RPSA2: variants seen among roughly 807,000 people sequenced by gnomAD.
The protein encoded by RPSA2 is ribosomal protein SA 2, also known as small ribosomal subunit protein uS2B.
the RPSA2 span, among the ~76,000 whole-genome samples, chr19:23,858,995 G>A: frequency 6.6e-6 from 1 of 152,296 alleles, no homozygotes; most frequent in African/African-American, 2.4e-5. Flanking sequence ...AGGAGATTCA[G>A]GAGAGAGAGC....
chr19:23,831,380 A>G, the RPSA2 span, among the ~76,000 whole-genome samples: 1 of 152,126 alleles, frequency 6.6e-6, no homozygotes, highest in African/African-American at 2.4e-5. Flanking sequence ...CTCACCTGGA[A>G]CACTGCACAC....
chr19:23,781,182 C>T, the RPSA2 span, among the ~76,000 whole-genome samples: 3 of 152,144 alleles, frequency 2.0e-5, no homozygotes, highest in African/African-American at 7.2e-5. Context: ...ACCATGTTGG[C>T]CAGACTGGTC....
the RPSA2 span, among the ~76,000 whole-genome samples, chr19:23,791,492 C>T: frequency 6.6e-6 from 1 of 152,144 alleles, no homozygotes; most frequent in East Asian, 1.9e-4. Flanking sequence ...GTCTAATTGC[C>T]TGCCACTTAA....
chr19:23,774,404 C>T, the RPSA2 span, among the ~76,000 whole-genome samples: 5 of 152,138 alleles, frequency 3.3e-5, no homozygotes, highest in African/African-American at 7.2e-5. Context: ...CACTTGGCTC[C>T]GTACCAAACA....
chr19:23,792,249 C>G, the RPSA2 span, among the ~76,000 whole-genome samples: 1 of 152,156 alleles, frequency 6.6e-6, no homozygotes, highest in Non-Finnish European at 1.5e-5. Context: ...CCCAGTGACT[C>G]CAAGCTGAGG....
At chr19:23,773,537 C>T in the RPSA2 span, among the ~76,000 whole-genome samples, 1 of 152,170 alleles carries the variant, frequency 6.6e-6, no homozygotes, top group Non-Finnish European at 1.5e-5. Flanking sequence ...CCGCCTCAGT[C>T]TCCCAAAGTG....
At chr19:23,781,531 G>A in the RPSA2 span, among the ~76,000 whole-genome samples, 3 of 151,120 alleles carry the variant, frequency 2.0e-5, no homozygotes, top group Non-Finnish European at 4.4e-5. Flanking sequence ...TAGAGATGGG[G>A]TTTCACCATG....
the RPSA2 span, among the ~76,000 whole-genome samples, chr19:23,866,902 G>T: frequency 6.6e-6 from 1 of 152,174 alleles, no homozygotes; most frequent in African/African-American, 2.4e-5. Flanking sequence ...TAACTTGCAA[G>T]GCATCACTGT....
At chr19:23,827,524 T>G in the RPSA2 span, 1 of 1,597,156 alleles carries the variant, frequency 6.3e-7, no homozygotes, top group Non-Finnish European at 8.5e-7. Context: ...AGCCACGGCT[T>G]CTTGTGGTTA....
the RPSA2 span, among the ~76,000 whole-genome samples, chr19:23,776,741 T>C: frequency 6.6e-6 from 1 of 152,190 alleles, no homozygotes; most frequent in African/African-American, 2.4e-5. Context: ...AGCAGCATAA[T>C]GATATTACTC....
At chr19:23,863,387 A>C in the RPSA2 span, among the ~76,000 whole-genome samples, 4 of 152,118 alleles carry the variant, frequency 2.6e-5, no homozygotes, top group Non-Finnish European at 5.9e-5. Context: ...AACATGGTGA[A>C]ACCCTATCTC....
the RPSA2 span, among the ~76,000 whole-genome samples, chr19:23,834,892 T>C: frequency 7.2e-5 from 11 of 152,100 alleles, no homozygotes; most frequent in Non-Finnish European, 1.5e-4. Context: ...ATAGGTTATA[T>C]TTTTATTCTT....
chr19:23,770,849 T>C, the RPSA2 span, among the ~76,000 whole-genome samples: 476 of 152,292 alleles, frequency 3.1e-3, 3 homozygotes, highest in African/African-American at 0.011. Context: ...CAGAGAAGAT[T>C]GTGACATATC....
At chr19:23,829,587 C>T in the RPSA2 span, among the ~76,000 whole-genome samples, 1 of 152,234 alleles carries the variant, frequency 6.6e-6, no homozygotes, top group African/African-American at 2.4e-5. Context: ...AGGCATAAGC[C>T]ACCATGCCCA....
chr19:23,841,325 G>T, the RPSA2 span, among the ~76,000 whole-genome samples: 24 of 151,972 alleles, frequency 1.6e-4, no homozygotes, highest in African/African-American at 5.3e-4. Context: ...TCAGCTGGGC[G>T]TGGTGGTGGG....
At chr19:23,848,640 G>T in the RPSA2 span, among the ~76,000 whole-genome samples, 1 of 152,320 alleles carries the variant, frequency 6.6e-6, no homozygotes, top group African/African-American at 2.4e-5. Flanking sequence ...GATCAGTCTT[G>T]TTGTAGGAAT....
At chr19:23,840,802 C>CAAA in the RPSA2 span, among the ~76,000 whole-genome samples, 1 of 149,360 alleles carries the variant, frequency 6.7e-6, no homozygotes, top group Non-Finnish European at 1.5e-5. Context: ...TACTAAAATA[C>CAAA]AAAAAAAAAA....
At chr19:23,816,923 A>T in the RPSA2 span, among the ~76,000 whole-genome samples, 1 of 152,166 alleles carries the variant, frequency 6.6e-6, no homozygotes, top group Non-Finnish European at 1.5e-5. Context: ...CTCCCACAAC[A>T]TGTGGGAATT....
chr19:23,863,095 T>C, the RPSA2 span, among the ~76,000 whole-genome samples: 2 of 152,106 alleles, frequency 1.3e-5, no homozygotes, highest in African/African-American at 4.8e-5. Context: ...ACTGCTATCA[T>C]GATGAGTGTG....
Sources: gnomAD v4.1 joint callset for allele counts (sites outside exome capture counted in the v4.1 genomes callset) on GRCh38, gnomAD v4.1.1 for gene constraint, MANE v1.5 for transcripts, NCBI Gene and HGNC (gene_info 2026-07-23, HGNC 2026-07-21) for gene names.